Variants in PKNOX2 observed in about 807,000 individuals in gnomAD.
The protein encoded by PKNOX2 is PBX/knotted 1 homeobox 2, also known as homeobox protein PKNOX2.
In PKNOX2, 14 loss-of-function variants were observed where a neutral mutation model predicts 53.1. The ratio of observed to expected loss-of-function variants is 0.26; its 90% CI spans 0.17 to 0.41. The LOEUF (loss-of-function observed/expected upper bound fraction) is 0.41, where lower values mean the gene tolerates loss of function less well. Ranked by LOEUF, PKNOX2 falls within the 10% of genes least tolerant of loss-of-function variation. The pLI is 1.00. For missense variants in PKNOX2, 496 were observed against 602.8 expected, an observed-to-expected ratio of 0.82 and a Z score of 1.85; for synonymous variants, 257 against 242.8, an observed-to-expected ratio of 1.06 and a Z score of -0.54.
chr11:125,265,016 T>C (rs7933272), intron 2 of PKNOX2, among the ~76,000 whole-genome samples: 18,766 of 151,992 alleles, frequency 0.12, 3,862 homozygotes, highest in African/African-American at 0.42. Context: ...TGGCCGGGCA[T>C]GGTGGCTCAA....
intron 2 of PKNOX2, among the ~76,000 whole-genome samples, chr11:125,271,848 G>C (rs1404722864): frequency 1.3e-5 from 2 of 152,162 alleles, no homozygotes; most frequent in Admixed American, 1.3e-4. Flanking sequence ...ACTCCATTTG[G>C]AGCCATTGAT....
intron 2 of PKNOX2, among the ~76,000 whole-genome samples, chr11:125,269,233 T>G (rs1386651263): frequency 6.6e-6 from 1 of 152,212 alleles, no homozygotes; most frequent in Non-Finnish European, 1.5e-5. Flanking sequence ...GTCAGATTTG[T>G]TCTCAAGATG....
chr11:125,294,346 C>T (rs934900127), intron 2 of PKNOX2, among the ~76,000 whole-genome samples: 4 of 152,256 alleles, frequency 2.6e-5, no homozygotes, highest in Admixed American at 2.0e-4. Flanking sequence ...CGAACCAGAG[C>T]TAGAGAAGAC....
chr11:125,214,658 T>C (rs946630480), intron 1 of PKNOX2, among the ~76,000 whole-genome samples: 19 of 152,208 alleles, frequency 1.2e-4, no homozygotes, highest in African/African-American at 4.6e-4. Flanking sequence ...AGTTAGCATC[T>C]GCACCATCAA....
At chr11:125,239,723 C>A (rs557706555) in intron 2 of PKNOX2, 1 of 152,218 alleles carries the variant, frequency 6.6e-6, no homozygotes, top group Non-Finnish European at 1.5e-5. Flanking sequence ...AACCTATGCT[C>A]GAAGGGTGTG....
At chr11:125,294,735 T>C (rs956056475) in intron 2 of PKNOX2, among the ~76,000 whole-genome samples, 1 of 152,066 alleles carries the variant, frequency 6.6e-6, no homozygotes, top group Non-Finnish European at 1.5e-5. Flanking sequence ...TTATGAAGAG[T>C]CCACTTCTTC....
intron 3 of PKNOX2, among the ~76,000 whole-genome samples, chr11:125,344,308 G>A (rs1950857619): frequency 6.6e-6 from 1 of 152,214 alleles, no homozygotes; most frequent in African/African-American, 2.4e-5. Flanking sequence ...AGACGGGAGA[G>A]GAGGTTTAGG....
At chr11:125,369,543 G>C (rs142053478) in intron 5 of PKNOX2, among the ~76,000 whole-genome samples, 1 of 152,150 alleles carries the variant, frequency 6.6e-6, no homozygotes, top group African/African-American at 2.4e-5. Flanking sequence ...CATCTCTCCA[G>C]GCACCGATAG....
At chr11:125,362,071 C>T (rs573681486) in intron 4 of PKNOX2, among the ~76,000 whole-genome samples, 1 of 152,216 alleles carries the variant, frequency 6.6e-6, no homozygotes, top group South Asian at 2.1e-4. Flanking sequence ...GGGAGAGGGA[C>T]AAACTGGGAC....
chr11:125,335,085 C>T (rs770721750), intron 3 of PKNOX2, among the ~76,000 whole-genome samples: 53 of 152,286 alleles, frequency 3.5e-4, no homozygotes, highest in African/African-American at 1.2e-3. Context: ...AGCCCCAAAG[C>T]GGCACCTTCT....
At chr11:125,224,472 C>T (rs968487870) in intron 1 of PKNOX2, among the ~76,000 whole-genome samples, 8 of 152,192 alleles carry the variant, frequency 5.3e-5, no homozygotes, top group Admixed American at 1.3e-4. Context: ...TTGAAGCTGC[C>T]GGCCTTGCCT....
chr11:125,228,341 C>T (rs963800948), intron 1 of PKNOX2, among the ~76,000 whole-genome samples: 1 of 152,152 alleles, frequency 6.6e-6, no homozygotes, highest in African/African-American at 2.4e-5. Flanking sequence ...TACCTTATTG[C>T]ACCATGCAGC....
chr11:125,394,747 T>G (rs1279067242), intron 6 of PKNOX2, among the ~76,000 whole-genome samples: 2 of 152,234 alleles, frequency 1.3e-5, no homozygotes, highest in Admixed American at 1.3e-4. Context: ...TCCCATATAT[T>G]GCTTGCGTCA....
intron 2 of PKNOX2, among the ~76,000 whole-genome samples, chr11:125,285,922 A>G (rs1005028518): frequency 6.6e-6 from 1 of 152,146 alleles, no homozygotes; most frequent in African/African-American, 2.4e-5. Context: ...GCTGCTTTGC[A>G]TCTCTTCCCC....
chr11:125,195,549 A>G (rs989343936), intron 1 of PKNOX2, among the ~76,000 whole-genome samples: 1 of 151,910 alleles, frequency 6.6e-6, no homozygotes, highest in Non-Finnish European at 1.5e-5. Flanking sequence ...GAGGTTTGAG[A>G]GCTGTTCTGA....
At chr11:125,250,492 G>A (rs756933613) in intron 2 of PKNOX2, among the ~76,000 whole-genome samples, 2 of 152,146 alleles carry the variant, frequency 1.3e-5, no homozygotes, top group Non-Finnish European at 2.9e-5. Context: ...TTAGAGACAG[G>A]CAGACTTCTC....
chr11:125,239,431 G>T (rs1305403099), intron 2 of PKNOX2, among the ~76,000 whole-genome samples: 1 of 152,164 alleles, frequency 6.6e-6, no homozygotes, highest in Non-Finnish European at 1.5e-5. Context: ...GCCCAGCCTG[G>T]CCTGAGTAGG....
In PKNOX2 at chr11:125,422,871, G is replaced by A. The variant is rs1322690060; in HGVS notation, c.937-6141G>A. Reference sequence around the variant, plus strand: ...TTGTATGCTCACAGAAGGGGCTGCTGGGAGGCTCCTGCCATCTGCCAGGAA... The same window carrying A: ...TTGTATGCTCACAGAAGGGGCTGCTAGGAGGCTCCTGCCATCTGCCAGGAA... On this transcript the variant is annotated intron_variant, in intron 10 of 12. Transcript: ENST00000298282. This position sits in a 1 kb window ranked among gnomAD's most constrained non-coding sequence, Gnocchi z 4.1. 2.6e-5 allele frequency among the ~76,000 whole-genome samples: 4 copies of A among 152,144 alleles called. No homozygotes were observed. The highest frequency in any genetic ancestry group is 6.5e-5 in the Admixed American group (1 of 15,280).
intron 3 of PKNOX2, among the ~76,000 whole-genome samples, chr11:125,344,814 G>A (rs765917780): frequency 4.6e-5 from 7 of 152,120 alleles, no homozygotes; most frequent in Non-Finnish European, 7.4e-5. Flanking sequence ...TGCTGGGTGC[G>A]GTGTGCCCTG....
Sources: gnomAD v4.1 joint callset for allele counts (sites outside exome capture counted in the v4.1 genomes callset) on GRCh38, gnomAD v4.1.1 for gene constraint, Gnocchi (gnomAD v3.1) non-coding constraint, MANE v1.5 for transcripts, NCBI Gene and HGNC (gene_info 2026-07-23, HGNC 2026-07-21) for gene names.